RARB: variants seen among roughly 807,000 people sequenced by gnomAD.
RARB encodes HBV-activated protein.
In RARB, 17 loss-of-function variants were observed where a neutral mutation model predicts 51.9. That is an observed-to-expected ratio of 0.33 (90% CI 0.22 to 0.49). The LOEUF (loss-of-function observed/expected upper bound fraction) is 0.49. Among genes scored for constraint, RARB ranks in the 20% least tolerant of loss-of-function variants. RARB has a pLI of 0.99. For missense variants in RARB, 369 were observed against 550.8 expected (o/e 0.67, Z 3.30); for synonymous variants, 215 against 195.4 (o/e 1.10, Z -0.84).
intron 5 of RARB, among the ~76,000 whole-genome samples, chr3:25,208,658 C>T (rs1701619479): frequency 6.6e-6 from 1 of 152,062 alleles, no homozygotes. Flanking sequence ...ACATTTGGCC[C>T]AGCCCTCTGA....
At chr3:25,351,929 G>A (rs1289073078) in intron 5 of RARB, among the ~76,000 whole-genome samples, 1 of 152,148 alleles carries the variant, frequency 6.6e-6, no homozygotes, top group African/African-American at 2.4e-5. Flanking sequence ...AGCTGTCGGA[G>A]TTTTCTGAGC....
chr3:25,395,051 T>C (rs1035525577), intron 5 of RARB, among the ~76,000 whole-genome samples: 10 of 152,232 alleles, frequency 6.6e-5, no homozygotes, highest in African/African-American at 1.2e-4. Context: ...TTTGAGGTTT[T>C]GTTTCAAGAT....
At chr3:25,420,991 C>A (rs7627418) in intron 5 of RARB, among the ~76,000 whole-genome samples, 88,245 of 125,914 alleles carry the variant, frequency 0.7, 28,171 homozygotes, top group African/African-American at 0.75. Flanking sequence ...CCACTTATGC[C>A]AAAAAAAAAA....
chr3:24,886,857 C>T (rs905555000), intron 2 of RARB, among the ~76,000 whole-genome samples: 1 of 152,112 alleles, frequency 6.6e-6, no homozygotes, highest in African/African-American at 2.4e-5. Flanking sequence ...GGTTGCTTTC[C>T]TATATTAAGC....
chr3:25,499,807 G>A (rs373314916), intron 2 of RARB, among the ~76,000 whole-genome samples: 1 of 152,064 alleles, frequency 6.6e-6, no homozygotes, highest in African/African-American at 2.4e-5. Context: ...AGAGAATACC[G>A]GAATAAGATT....
At chr3:25,334,627 A>G (rs1705009898) in intron 5 of RARB, among the ~76,000 whole-genome samples, 1 of 152,186 alleles carries the variant, frequency 6.6e-6, no homozygotes, top group African/African-American at 2.4e-5. Context: ...ATGTATACAT[A>G]TGTAACAAAC....
At chr3:24,841,578 C>T (rs1702422125) in intron 1 of RARB, among the ~76,000 whole-genome samples, 3 of 152,198 alleles carry the variant, frequency 2.0e-5, no homozygotes, top group Admixed American at 2.0e-4. Flanking sequence ...GAACACTATT[C>T]TGTCCATTTG....
At position 25,428,327 on chromosome 3, in the gene RARB, G is replaced by GA. The variant is rs1708060164; in HGVS notation, c.-404dup. 1.6e-6 allele frequency: 2 copies of GA among 1,245,814 alleles called. No individual in the cohort carries two copies. The highest frequency in any genetic ancestry group is 3.9e-5 in the Admixed American group (1 of 25,924). The allele number at this position is 1,245,814 out of a possible 1,614,324, so 77.2% of individuals were successfully genotyped here. A position where few individuals can be genotyped will look rare whatever the true frequency, so the allele number is the denominator to read the frequency against. On this transcript the variant is annotated 5_prime_UTR_variant, in exon 1 of 8. Coordinates refer to ENST00000330688, the MANE Select transcript of RARB (RefSeq NM_000965.5). ...AGGGTCTATTCTTTGCCAAAGGGGG[G>GA]ACCAGAATTCCCCCATGCGAGCTGT...
intron 2 of RARB, among the ~76,000 whole-genome samples, chr3:24,969,576 A>G (rs1696348875): frequency 6.6e-6 from 1 of 152,048 alleles, no homozygotes; most frequent in East Asian, 1.9e-4. Context: ...TTTATGTGCC[A>G]TTTCATTTCA....
At chr3:25,156,658 C>T (rs1559485900) in intron 4 of RARB, among the ~76,000 whole-genome samples, 1 of 151,300 alleles carries the variant, frequency 6.6e-6, no homozygotes, top group Non-Finnish European at 1.5e-5. Flanking sequence ...GAGATGCTCT[C>T]GTTCCTACAA....
intron 2 of RARB, among the ~76,000 whole-genome samples, chr3:25,031,493 T>C (rs1350629195): frequency 6.6e-6 from 1 of 152,264 alleles, no homozygotes; most frequent in East Asian, 1.9e-4. Flanking sequence ...TGCTGATGTC[T>C]GGAGTAGAGA....
At chr3:24,964,110 G>T (rs1259449818) in intron 2 of RARB, among the ~76,000 whole-genome samples, 1 of 151,920 alleles carries the variant, frequency 6.6e-6, no homozygotes, top group African/African-American at 2.4e-5. Context: ...AGTTTTTACT[G>T]AACTACAAAA....
chr3:25,158,358 C>G (rs913872908), intron 4 of RARB, among the ~76,000 whole-genome samples: 6 of 152,156 alleles, frequency 3.9e-5, no homozygotes, highest in African/African-American at 1.4e-4. Context: ...GGCTTGCATT[C>G]TTTGTTACAA....
chr3:25,428,522 C>T lies in RARB; in HGVS notation c.-210C>T, dbSNP rs756610050. The T allele has an allele frequency of 7.8e-7, 1 of 1,275,230 alleles. No homozygotes were observed. Among genetic ancestry groups the T allele is most frequent in the East Asian group, 3.0e-5 (1 of 33,528 alleles). 79.0% of individuals were successfully genotyped at this position (1,275,230 alleles called of 1,614,324 possible). A position where few individuals can be genotyped will look rare whatever the true frequency, so the allele number is the denominator to read the frequency against. ...CCCCGGCTGGATTGGCCGAGCAAGC[C>T]TGGAAAATGGTAAATGATCATTTGG... On this transcript the variant is annotated 5_prime_UTR_variant, in exon 1 of 8. Transcript: ENST00000330688.
intron 5 of RARB, among the ~76,000 whole-genome samples, chr3:25,320,938 T>C (rs1293443181): frequency 6.6e-6 from 1 of 152,254 alleles, no homozygotes; most frequent in Non-Finnish European, 1.5e-5. Context: ...TGGAAAATTC[T>C]GAGGTATCCA....
At chr3:25,094,194 T>C (rs575865616) in intron 3 of RARB, among the ~76,000 whole-genome samples, 46 of 152,284 alleles carry the variant, frequency 3.0e-4, no homozygotes, top group African/African-American at 1.1e-3. Context: ...ATATAGAAGG[T>C]CTATTCAATG....
At chr3:25,301,631 C>A (rs1175188465) in intron 5 of RARB, among the ~76,000 whole-genome samples, 2 of 152,078 alleles carry the variant, frequency 1.3e-5, no homozygotes, top group African/African-American at 4.8e-5. Context: ...CCATCTTAAA[C>A]TGGAAATCTA....
At chr3:25,329,326 T>G (rs554193440) in intron 5 of RARB, among the ~76,000 whole-genome samples, 2 of 152,196 alleles carry the variant, frequency 1.3e-5, no homozygotes, top group Non-Finnish European at 2.9e-5. Flanking sequence ...GAGACGAAGC[T>G]TCCAGAGGAA....
At chr3:25,259,511 A>T (rs2125406017) in intron 5 of RARB, among the ~76,000 whole-genome samples, 1 of 152,268 alleles carries the variant, frequency 6.6e-6, no homozygotes, top group Non-Finnish European at 1.5e-5. Flanking sequence ...GTAACCTAGG[A>T]ACCTACCTTT....
Sources: allele counts gnomAD v4.1 joint callset (sites outside exome capture counted in the v4.1 genomes callset), GRCh38; gene constraint gnomAD v4.1.1; transcripts MANE v1.5; gene names NCBI Gene and HGNC (gene_info 2026-07-23, HGNC 2026-07-21).